Variants in SPATA13 observed in about 807,000 individuals in gnomAD.
SPATA13 encodes the protein spermatogenesis associated 13.
A neutral mutation model predicts 104.0 loss-of-function variants in SPATA13; 50 were observed. The observed-to-expected ratio is 0.48, with a 90% CI of 0.38 to 0.61. The LOEUF (loss-of-function observed/expected upper bound fraction) is 0.61, where lower values mean the gene tolerates loss of function less well. SPATA13 is among the 20% of genes least tolerant of loss of function. The probability of loss-of-function intolerance (pLI) is 0.00; values close to 1 mark genes in which losing one functional copy is unlikely to be tolerated. For synonymous variants in SPATA13, 606 were observed against 667.5 expected (o/e 0.91, Z 1.42); for missense variants, 1,524 against 1,690.6 (o/e 0.90, Z 1.73).
At chr13:24,279,507 C>T (rs4769339) in intron 4 of SPATA13, among the ~76,000 whole-genome samples, 2 of 151,942 alleles carry the variant, frequency 1.3e-5, no homozygotes, top group Non-Finnish European at 2.9e-5. Flanking sequence ...GGAGGGAGCC[C>T]GAAGCTGGAT....
chr13:24,025,986 A>G (rs1036348181), intron 3 of SPATA13, among the ~76,000 whole-genome samples: 6 of 151,802 alleles, frequency 4.0e-5, no homozygotes, highest in Non-Finnish European at 8.8e-5. Context: ...TGTATTTTTA[A>G]TAGAGATGGG....
chr13:24,099,616 C>T (rs1016138846), intron 3 of SPATA13, among the ~76,000 whole-genome samples: 2 of 152,176 alleles, frequency 1.3e-5, no homozygotes, highest in African/African-American at 4.8e-5. Flanking sequence ...CCCACAGCCC[C>T]CCGGGTGGTG....
chr13:24,055,701 C>G (rs781272100), intron 3 of SPATA13, among the ~76,000 whole-genome samples: 1 of 152,180 alleles, frequency 6.6e-6, no homozygotes, highest in Non-Finnish European at 1.5e-5. Flanking sequence ...GCTAAGCCAC[C>G]CACTTTCCTA....
intron 1 of SPATA13, among the ~76,000 whole-genome samples, chr13:24,179,969 T>G (rs1348884684): frequency 6.6e-6 from 1 of 152,214 alleles, no homozygotes. Flanking sequence ...TCTTTTTACT[T>G]TCTTACTTAG....
intron 3 of SPATA13, among the ~76,000 whole-genome samples, chr13:24,070,349 C>A (rs965590344): frequency 2.6e-5 from 4 of 152,144 alleles, no homozygotes; most frequent in Non-Finnish European, 5.9e-5. Flanking sequence ...CCTCTGCCGC[C>A]CCCCTACCAT....
intron 4 of SPATA13, among the ~76,000 whole-genome samples, chr13:24,262,548 T>G (rs1434376056): frequency 1.3e-5 from 2 of 152,222 alleles, no homozygotes; most frequent in Non-Finnish European, 2.9e-5. Flanking sequence ...AAGTTAATTT[T>G]CTTATTAACA....
At chr13:24,258,868 C>T (rs891586903) in intron 4 of SPATA13, among the ~76,000 whole-genome samples, 2 of 152,326 alleles carry the variant, frequency 1.3e-5, no homozygotes, top group South Asian at 2.1e-4. Flanking sequence ...TCCTCTTCCC[C>T]GTACGATCAA....
At position 24,205,516 on chromosome 13, in the gene SPATA13, A is replaced by G. The variant is rs562718816; in HGVS notation, c.-111-17303A>G. Among the ~76,000 whole-genome samples, 365 of 152,358 alleles carry G rather than the reference A, an allele frequency of 2.4e-3. 4 individuals carry two copies. The highest frequency in any genetic ancestry group is 8.5e-3 in the African/African-American group (353 of 41,578). ...AAAAATGGCCATACTGCTCAAAGCA[A>G]TTTATCAATTCAATGCTATTCTGAT... On this transcript the variant is annotated intron_variant, in intron 1 of 12. Coordinates refer to ENST00000382108, the MANE Select transcript of SPATA13 (RefSeq NM_001166271.3). This position sits in a 1 kb window ranked among gnomAD's most constrained non-coding sequence, Gnocchi z 4.1.
intron 2 of SPATA13, among the ~76,000 whole-genome samples, chr13:23,990,972 G>A (rs570590650): frequency 1.1e-4 from 16 of 152,310 alleles, no homozygotes; most frequent in African/African-American, 3.6e-4. Context: ...GTTGGCTGAA[G>A]TTTTATTTGC....
intron 2 of SPATA13, among the ~76,000 whole-genome samples, chr13:23,989,889 T>C (rs2810698): frequency 0.77 from 116,523 of 152,046 alleles, 44,908 homozygotes; most frequent in Non-Finnish European, 0.8. Flanking sequence ...GAGGATGCAG[T>C]GAGATGGTAC....
chr13:24,297,630 A>G lies in SPATA13; in HGVS notation c.3478A>G (p.Thr1160Ala). 6 of 1,614,254 alleles carry G rather than the reference A, an allele frequency of 3.7e-6. No homozygotes were observed. Among genetic ancestry groups the G allele is most frequent in the Non-Finnish European group, 4.2e-6 (5 of 1,180,050 alleles). Reference protein sequence around the residue: ...KNAFKLVSRTTDEVYLFCAKK... With the variant: ...KNAFKLVSRTADEVYLFCAKK... ...TGCCTTCAAGCTCGTCAGTAGGACCACAGACGAGGTTTATTTGTTTTGTGC... is the reference window on the plus strand; with the variant it reads ...TGCCTTCAAGCTCGTCAGTAGGACCGCAGACGAGGTTTATTTGTTTTGTGC... The change falls in exon 11 of 13, where the codon ACA (threonine) becomes GCA (alanine). Residue 1160 changes from threonine (T) to alanine (A), a missense_variant. Thr to Ala is a moderately conservative substitution (Grantham distance 58). Transcript: ENST00000382108.
chr13:24,105,105 T>C (rs948318256), intron 3 of SPATA13, among the ~76,000 whole-genome samples: 2 of 148,224 alleles, frequency 1.3e-5, no homozygotes, highest in African/African-American at 5.2e-5. Context: ...TCTTGGCTTC[T>C]TACAATCGTT....
intron 3 of SPATA13, among the ~76,000 whole-genome samples, chr13:24,139,009 G>T (rs569673998): frequency 6.6e-6 from 1 of 152,238 alleles, no homozygotes; most frequent in South Asian, 2.1e-4. Flanking sequence ...CAACATAAAT[G>T]AATGCTTAAA....
At chr13:24,134,212 G>A (rs541728145) in intron 3 of SPATA13, among the ~76,000 whole-genome samples, 5 of 152,288 alleles carry the variant, frequency 3.3e-5, no homozygotes, top group South Asian at 4.1e-4. Context: ...TGAGGACTTC[G>A]CTGCCTTTAT....
At position 24,223,248 on chromosome 13, in the gene SPATA13, T is replaced by C; in HGVS notation, c.319T>C (p.Ser107Pro). 1.3e-6 allele frequency: 2 copies of C among 1,551,658 alleles called. No individual in the cohort carries two copies. Among genetic ancestry groups the C allele is most frequent in the Admixed American group, 2.0e-5 (1 of 51,012 alleles). The change falls in exon 2 of 13, where the codon TCC becomes CCC. Residue 107 changes from serine to proline, a missense_variant. Coordinates refer to ENST00000382108, the MANE Select transcript of SPATA13 (RefSeq NM_001166271.3). ...CTCCTCCACATGGAACACCCTCGCC[T>C]CCTTCCGGAAAATGGGATCCTTTAA... is the stretch of plus-strand genomic sequence containing the variant. Reference protein sequence around the residue: ...GNSSTWNTLASFRKMGSFKKL... With the variant: ...GNSSTWNTLAPFRKMGSFKKL...
chr13:24,251,375 C>T (rs895930465), intron 3 of SPATA13: 4 of 742,194 alleles, frequency 5.4e-6, no homozygotes, highest in Non-Finnish European at 6.6e-6. Context: ...ATCTTCTTAC[C>T]CTTGTGACCC....
At chr13:24,057,982 GA>G (rs1431772896) in intron 3 of SPATA13, among the ~76,000 whole-genome samples, 2 of 151,768 alleles carry the variant, frequency 1.3e-5, no homozygotes, top group Admixed American at 1.3e-4. Context: ...ATGGGATGCA[GA>G]AAGGAGATGT....
intron 7 of SPATA13, among the ~76,000 whole-genome samples, chr13:24,287,240 A>G (rs1329985236): frequency 2.0e-5 from 3 of 152,084 alleles, no homozygotes; most frequent in Non-Finnish European, 2.9e-5. Flanking sequence ...AGCTCACTGC[A>G]GCCTCAAACT....
chr13:24,220,972 G>A (rs1454494507), intron 1 of SPATA13, among the ~76,000 whole-genome samples: 1 of 152,222 alleles, frequency 6.6e-6, no homozygotes, highest in African/African-American at 2.4e-5. Context: ...TTTAAAAAAT[G>A]TCCTCCTCTT....
Sources: gnomAD v4.1 joint callset for allele counts (sites outside exome capture counted in the v4.1 genomes callset) on GRCh38, gnomAD v4.1.1 for gene constraint, Gnocchi (gnomAD v3.1) non-coding constraint, MANE v1.5 for transcripts, NCBI Gene and HGNC (gene_info 2026-07-23, HGNC 2026-07-21) for gene names.